Variants in HCK observed in about 807,000 individuals in gnomAD.
HCK encodes the protein HCK proto-oncogene, Src family tyrosine kinase.
In HCK, 40 loss-of-function variants were observed where a neutral mutation model predicts 70.4. That is an observed-to-expected ratio of 0.57 (90% CI 0.44 to 0.74). The LOEUF (loss-of-function observed/expected upper bound fraction) is 0.74, where lower values mean the gene tolerates loss of function less well. Among genes scored for constraint, HCK ranks in the 30% least tolerant of loss-of-function variants. The pLI, the probability that HCK is intolerant of heterozygous loss-of-function variation, is 0.00. For missense variants in HCK, 568 were observed against 697.2 expected (o/e 0.81, Z 2.09); for synonymous variants, 245 against 263.2 (o/e 0.93, Z 0.67).
In HCK at chr20:32,099,075, G is replaced by A. The variant is rs555782474; in HGVS notation, c.1318G>A (p.Val440Ile). ...TGGCTCCTTCACCATCAAGTCAGACGTCTGGTCCTTTGGTATCCTGCTGAT... is the reference window on the plus strand; with the variant it reads ...TGGCTCCTTCACCATCAAGTCAGACATCTGGTCCTTTGGTATCCTGCTGAT... The change falls in exon 12 of 13, where the codon GTC becomes ATC. Residue 440 changes from valine to isoleucine, a missense_variant. Val to Ile is a conservative substitution (Grantham distance 29). Coordinates refer to ENST00000375852, the MANE Select transcript of HCK (RefSeq NM_002110.5). 1.7e-5 allele frequency: 28 copies of A among 1,614,146 alleles called. No homozygotes were observed. The highest frequency in any genetic ancestry group is 8.9e-5 in the East Asian group (4 of 44,868).
rs75091625 is a variant in HCK, at chr20:32,100,334, G to A, written c.1379-983G>A. Among the ~76,000 whole-genome samples, 217 of 152,340 alleles carry A rather than the reference G, an allele frequency of 1.4e-3. 5 individuals carry two copies. The East Asian group carries it at 0.038, about 27-fold the overall frequency. ...AAGGGAACAGGGTGGCAGCCAGTGA[G>A]GAGGCCACAGCAGTGGCCCAGGCAG... On this transcript the variant is annotated intron_variant, in intron 12 of 12. Coordinates refer to ENST00000375852, the MANE Select transcript of HCK (RefSeq NM_002110.5).
At chr20:32,099,418 C>T (rs367955528) in intron 12 of HCK, among the ~76,000 whole-genome samples, 6 of 135,332 alleles carry the variant, frequency 4.4e-5, no homozygotes, top group African/African-American at 1.4e-4. Flanking sequence ...AGTGCAGTGA[C>T]GTGATCTCGG....
intron 1 of HCK, among the ~76,000 whole-genome samples, chr20:32,056,411 G>A (rs1465449077): frequency 6.6e-6 from 1 of 152,052 alleles, no homozygotes; most frequent in Non-Finnish European, 1.5e-5. Flanking sequence ...AGCTACTCGG[G>A]AGGCTGAGGC....
rs549471146 is a variant in HCK, at chr20:32,096,690, T to C, written c.1247-2314T>C. On this transcript the variant is annotated intron_variant, in intron 11 of 12. Transcript: ENST00000375852. ...CTAATTTTTTAATTATTTGTAGAGATAGTGTCTCACTGTGTTGCCCAGGCT... is the reference window on the plus strand; with the variant it reads ...CTAATTTTTTAATTATTTGTAGAGACAGTGTCTCACTGTGTTGCCCAGGCT... 1.1e-4 allele frequency among the ~76,000 whole-genome samples: 16 copies of C among 152,014 alleles called. No individual in the cohort carries two copies. In the South Asian group the frequency reaches 2.7e-3, roughly 26 times the overall value.
chr20:32,058,118 A>G (rs2045301148), intron 1 of HCK, among the ~76,000 whole-genome samples: 1 of 152,156 alleles, frequency 6.6e-6, no homozygotes, highest in Non-Finnish European at 1.5e-5. Flanking sequence ...GAAATGAAGA[A>G]CAGTGGGTAC....
chr20:32,057,001 C>T (rs1183569435), intron 1 of HCK, among the ~76,000 whole-genome samples: 1 of 152,194 alleles, frequency 6.6e-6, no homozygotes, highest in Non-Finnish European at 1.5e-5. Flanking sequence ...CCCCTCCACC[C>T]GCAGCGATTA....
In HCK at chr20:32,059,422, T is replaced by TTTC. The variant is rs146805025; in HGVS notation, c.62+6939_62+6941dup. Among the ~76,000 whole-genome samples the TTTC allele has an allele frequency of 1.2e-3, 173 of 149,608 alleles. 1 individual carries two copies. Among genetic ancestry groups the TTTC allele is most frequent in the Middle Eastern group, 6.8e-3 (2 of 294 alleles). ...TTCCTTTCTTCTTTCTCTCTCTCTC[T>TTTC]TTCTTTCTTTTTTCTTTCTTTCTTT... On this transcript the variant is annotated intron_variant, in intron 1 of 12. Coordinates refer to ENST00000375852, the MANE Select transcript of HCK (RefSeq NM_002110.5).
At chr20:32,069,837 A>G in intron 1 of HCK, 2 of 947,272 alleles carry the variant, frequency 2.1e-6, no homozygotes, top group South Asian at 1.5e-5. Context: ...TTTTCCTTAA[A>G]CCACAAATAC....
intron 6 of HCK, 142 bp downstream of exon 6, chr20:32,080,019 G>A (rs2045687139): frequency 1.5e-6 from 1 of 654,566 alleles, no homozygotes; most frequent in Admixed American, 2.4e-5. Flanking sequence ...TCCTGCTCTT[G>A]GCCACCTGAG....
intron 9 of HCK, 59 bp from the exon 10 acceptor site, chr20:32,088,509 G>T: frequency 7.8e-7 from 1 of 1,275,154 alleles, no homozygotes; most frequent in Non-Finnish European, 1.1e-6. Flanking sequence ...AAAAGTAATT[G>T]TGGTTTTTGC....
At position 32,095,729 on chromosome 20, in the gene HCK, C is replaced by A. The variant is rs572291224; in HGVS notation, c.1246+1713C>A. ...ATTCTGAAAGCCACGGAATTATACACTTTAAATGGGTGAAATGTATGGTCT... is the reference window on the plus strand; with the variant it reads ...ATTCTGAAAGCCACGGAATTATACAATTTAAATGGGTGAAATGTATGGTCT... On this transcript the variant is annotated intron_variant, in intron 11 of 12. Transcript: ENST00000375852. 2.6e-5 allele frequency among the ~76,000 whole-genome samples: 4 copies of A among 152,228 alleles called. No homozygotes were observed. The South Asian group carries it at 8.3e-4, about 32-fold the overall frequency.
At chr20:32,083,775 C>A in intron 6 of HCK, 119 bp from the exon 7 acceptor site, 1 of 1,192,566 alleles carries the variant, frequency 8.4e-7, no homozygotes. Flanking sequence ...GACCCTCGGG[C>A]ACTTCTGCCC....
At chr20:32,083,820 G>C (rs900184018) in intron 6 of HCK, 74 bp from the exon 7 acceptor site, 3 of 1,546,518 alleles carry the variant, frequency 1.9e-6, no homozygotes, top group Non-Finnish European at 2.7e-6. Flanking sequence ...AGCCTTACAG[G>C]GTGTCAGAGT....
chr20:32,087,826 T>C (rs2122592251), intron 9 of HCK, among the ~76,000 whole-genome samples: 1 of 152,142 alleles, frequency 6.6e-6, no homozygotes, highest in Non-Finnish European at 1.5e-5. Context: ...GTATTTTTAG[T>C]AGAGACGGTG....
intron 3 of HCK, 74 bp downstream of exon 3, chr20:32,073,435 A>G: frequency 7.5e-7 from 1 of 1,324,708 alleles, no homozygotes; most frequent in Non-Finnish European, 1.1e-6. Context: ...CCTTAGCTTG[A>G]GGCATAAATC....
intron 1 of HCK, 130 bp downstream of exon 1, chr20:32,052,616 G>T (rs1031010469): frequency 4.8e-6 from 3 of 629,714 alleles, no homozygotes; most frequent in South Asian, 5.4e-5. Flanking sequence ...ACGGAACGTC[G>T]GGGGAGCCGC....
At chr20:32,091,683 A>T (rs766772966) in intron 10 of HCK, among the ~76,000 whole-genome samples, 6 of 151,998 alleles carry the variant, frequency 3.9e-5, no homozygotes, top group Non-Finnish European at 8.8e-5. Context: ...TTTTACTGAA[A>T]AATTTGGGTC....
intron 1 of HCK, among the ~76,000 whole-genome samples, chr20:32,053,401 GC>G (rs1184881944): frequency 6.6e-6 from 1 of 151,978 alleles, no homozygotes; most frequent in Non-Finnish European, 1.5e-5. Flanking sequence ...TTTTTGGGAG[GC>G]CGAGGCAGGT....
rs1555873944 is a variant in HCK at position 32,058,544 on chromosome 20, A to AG, written c.62+6063dup. On this transcript the variant is annotated intron_variant, in intron 1 of 12. Coordinates refer to ENST00000375852, the MANE Select transcript of HCK (RefSeq NM_002110.5). Reference sequence around the variant, plus strand: ...CAAGACTCTGTCAAAAAAAAAAAAAAGGGGGAGAACTGAGGAGGATACTAC... The same window carrying AG: ...CAAGACTCTGTCAAAAAAAAAAAAAAGGGGGGAGAACTGAGGAGGATACTAC... 2.0e-3 allele frequency among the ~76,000 whole-genome samples: 300 copies of AG among 147,178 alleles called. 1 individual carries two copies. Among genetic ancestry groups the AG allele is most frequent in the African/African-American group, 5.9e-3 (233 of 39,734 alleles).
Sources: allele counts gnomAD v4.1 joint callset (sites outside exome capture counted in the v4.1 genomes callset), GRCh38; gene constraint gnomAD v4.1.1; transcripts MANE v1.5; gene names NCBI Gene and HGNC (gene_info 2026-07-23, HGNC 2026-07-21).